RIMBP2: variants seen among roughly 807,000 people sequenced by gnomAD.
RIMBP2 encodes RIMS binding protein 2.
A neutral mutation model predicts 118.6 loss-of-function variants in RIMBP2; 48 were observed. The ratio of observed to expected loss-of-function variants is 0.40; its 90% CI spans 0.32 to 0.51. RIMBP2 has a LOEUF of 0.51. RIMBP2 is among the 20% of genes least tolerant of loss of function. The probability of loss-of-function intolerance (pLI) is 0.41; values close to 1 mark genes in which losing one functional copy is unlikely to be tolerated. For synonymous variants in RIMBP2, 762 were observed against 742.9 expected (o/e 1.03, Z -0.42); for missense variants, 1,551 against 1,768.3 (o/e 0.88, Z 2.20).
intron 22 of RIMBP2, chr12:130,398,892 G>GGAAAT: frequency 3.6e-6 from 1 of 279,886 alleles, no homozygotes; most frequent in Non-Finnish European, 6.6e-6. Flanking sequence ...GCAAATAGTA[G>GGAAAT]GAAATGATTA....
intron 2 of RIMBP2, among the ~76,000 whole-genome samples, chr12:130,610,190 T>C (rs2060438174): frequency 6.7e-6 from 1 of 149,430 alleles, no homozygotes; most frequent in Non-Finnish European, 1.5e-5. Context: ...TGGGGGAAAA[T>C]GGGAAGTCTG....
intron 2 of RIMBP2, among the ~76,000 whole-genome samples, chr12:130,551,424 G>A (rs895763555): frequency 3.9e-5 from 6 of 152,050 alleles, no homozygotes; most frequent in Non-Finnish European, 7.4e-5. Context: ...ATGGGTACAC[G>A]GCCATAGGCA....
intron 2 of RIMBP2, among the ~76,000 whole-genome samples, chr12:130,550,162 A>G (rs1186887883): frequency 1.3e-5 from 2 of 152,216 alleles, no homozygotes; most frequent in Non-Finnish European, 2.9e-5. Flanking sequence ...GAGAAAGGCC[A>G]TGAGTGAGCG....
At chr12:130,608,588 TG>T (rs2060325184) in intron 2 of RIMBP2, among the ~76,000 whole-genome samples, 1 of 151,570 alleles carries the variant, frequency 6.6e-6, no homozygotes, top group African/African-American at 2.4e-5. Context: ...TGGGGGGAGG[TG>T]GGCAGTGGGG....
intron 1 of RIMBP2, among the ~76,000 whole-genome samples, chr12:130,646,395 C>T (rs866251244): frequency 4.7e-5 from 6 of 128,742 alleles, no homozygotes; most frequent in South Asian, 2.6e-4. Flanking sequence ...ACCTCCCTCA[C>T]CACCTGCCTC....
intron 2 of RIMBP2, among the ~76,000 whole-genome samples, chr12:130,556,100 G>C (rs1042025383): frequency 1.3e-5 from 2 of 152,162 alleles, no homozygotes; most frequent in African/African-American, 4.8e-5. Flanking sequence ...GGGAGTCAAG[G>C]CTTGCTGCAC....
chr12:130,540,501 C>T (rs1204583255), intron 2 of RIMBP2, among the ~76,000 whole-genome samples: 1 of 152,144 alleles, frequency 6.6e-6, no homozygotes, highest in African/African-American at 2.4e-5. Context: ...GAGTTTCTTT[C>T]TCAGGAAACC....
rs77792566 is a variant in RIMBP2 at position 130,622,849 on chromosome 12, T to C, written c.-217+5473A>G. ...AAAATTTCTCTCTCTCTGACCCTGCTCAATGCTTAGATGTAACCTCTGTTC... is the reference window on the plus strand; with the variant it reads ...AAAATTTCTCTCTCTCTGACCCTGCCCAATGCTTAGATGTAACCTCTGTTC... On this transcript the variant is annotated intron_variant, in intron 2 of 22. Transcript: ENST00000690449. The surrounding 1 kb of genome is among the most constrained non-coding windows in gnomAD (Gnocchi z 8.5). Among the ~76,000 whole-genome samples, 515 of 152,308 alleles carry C rather than the reference T, an allele frequency of 3.4e-3. 28 individuals are homozygous for C. The East Asian group carries it at 0.091, about 27-fold the overall frequency.
intron 1 of RIMBP2, among the ~76,000 whole-genome samples, chr12:130,707,222 C>T (rs908247759): frequency 2.6e-5 from 4 of 152,114 alleles, no homozygotes; most frequent in South Asian, 2.1e-4. Flanking sequence ...CTTCCAACTG[C>T]CAGTCGTATC....
At chr12:130,546,850 A>C (rs1232364885) in intron 2 of RIMBP2, among the ~76,000 whole-genome samples, 3 of 152,132 alleles carry the variant, frequency 2.0e-5, no homozygotes. Context: ...TGGATTTCTG[A>C]CTTCTGTTAA....
chr12:130,715,311 C>T (rs575005266), intron 1 of RIMBP2, among the ~76,000 whole-genome samples: 92 of 152,290 alleles, frequency 6.0e-4, no homozygotes, highest in Admixed American at 1.3e-3. Context: ...CCCGCCTCCC[C>T]CGGGGCCAGT....
At chr12:130,510,257 C>G (rs1353511423) in intron 3 of RIMBP2, among the ~76,000 whole-genome samples, 1 of 152,134 alleles carries the variant, frequency 6.6e-6, no homozygotes, top group Non-Finnish European at 1.5e-5. Flanking sequence ...TAGAAGGGAG[C>G]TAAATTTAAT....
At chr12:130,535,745 A>ATATG (rs1276650580) in intron 2 of RIMBP2, among the ~76,000 whole-genome samples, 8 of 24,866 alleles carry the variant, frequency 3.2e-4, no homozygotes, top group Non-Finnish European at 8.2e-4. Context: ...ATACATATAT[A>ATATG]TATATATATA....
chr12:130,431,658 T>A lies in RIMBP2; in HGVS notation c.2253+3076A>T, dbSNP rs2077162598. On this transcript the variant is annotated intron_variant, in intron 14 of 22. Transcript: ENST00000690449. The surrounding 1 kb of genome is among the most constrained non-coding windows in gnomAD (Gnocchi z 4.0). ...AATGCTGCTAAATATTAACGCTTTT[T>A]AAATTTTAATAGAAACAGACCTGTT... 6.5e-6 allele frequency: 1 copy of A among 154,860 alleles called. No homozygotes were observed. Among genetic ancestry groups the A allele is most frequent in the Admixed American group, 6.5e-5 (1 of 15,332 alleles). The allele number at this position is 154,860 out of a possible 1,614,324, so 9.6% of individuals were successfully genotyped here. A position where few individuals can be genotyped will look rare whatever the true frequency, so the allele number is the denominator to read the frequency against.
chr12:130,641,009 G>C (rs1038723792), intron 1 of RIMBP2, among the ~76,000 whole-genome samples: 1 of 152,160 alleles, frequency 6.6e-6, no homozygotes, highest in Non-Finnish European at 1.5e-5. Flanking sequence ...AACTAATGTC[G>C]GCGTCACAGC....
intron 19 of RIMBP2, among the ~76,000 whole-genome samples, chr12:130,411,171 A>G (rs1356867035): frequency 2.0e-5 from 3 of 152,232 alleles, no homozygotes; most frequent in Admixed American, 6.5e-5. Flanking sequence ...ATGGAAATAG[A>G]ACTGATTTTT....
At chr12:130,664,663 G>A (rs1204186215) in intron 1 of RIMBP2, among the ~76,000 whole-genome samples, 1 of 151,614 alleles carries the variant, frequency 6.6e-6, no homozygotes, top group African/African-American at 2.4e-5. Context: ...AGTATAGGTT[G>A]ATCCTACAGC....
At position 130,670,734 on chromosome 12, in the gene RIMBP2, A is replaced by G. The variant is rs1338909467; in HGVS notation, c.-351-42278T>C. Among the ~76,000 whole-genome samples, 2 of 152,186 alleles carry G rather than the reference A, an allele frequency of 1.3e-5. No homozygotes were observed. The highest frequency in any genetic ancestry group is 2.9e-5 in the Non-Finnish European group (2 of 68,032). On this transcript the variant is annotated intron_variant, in intron 1 of 22. Coordinates refer to ENST00000690449, the MANE Select transcript of RIMBP2 (RefSeq NM_001393629.1). This position sits in a 1 kb window ranked among gnomAD's most constrained non-coding sequence, Gnocchi z 4.9. ...GCATAGATCCACCCACCAGCTCATG[A>G]GAAGTCTGTTAAAGAAGATTTAGGA...
At chr12:130,635,690 C>A (rs1346448892) in intron 1 of RIMBP2, among the ~76,000 whole-genome samples, 1 of 152,180 alleles carries the variant, frequency 6.6e-6, no homozygotes, top group Non-Finnish European at 1.5e-5. Context: ...ACTCACAATG[C>A]TATCTCATTG....
Sources: gnomAD v4.1 joint callset for allele counts (sites outside exome capture counted in the v4.1 genomes callset) on GRCh38, gnomAD v4.1.1 for gene constraint, Gnocchi (gnomAD v3.1) non-coding constraint, MANE v1.5 for transcripts, NCBI Gene and HGNC (gene_info 2026-07-23, HGNC 2026-07-21) for gene names.